SORL1: variants seen among roughly 807,000 people sequenced by gnomAD.
SORL1 encodes the protein sortilin related receptor 1.
SORL1 carries 127 observed loss-of-function variants against 273.7 expected under a neutral mutation model. The observed-to-expected ratio is 0.46, with a 90% CI of 0.40 to 0.54. SORL1 has a LOEUF of 0.54. Ranked by LOEUF, SORL1 falls within the 20% of genes least tolerant of loss-of-function variation. SORL1 has a pLI of 0.00. For synonymous variants in SORL1, 1,031 were observed against 1,067.4 expected (o/e 0.97, Z 0.66); for missense variants, 2,494 against 2,846.1 (o/e 0.88, Z 2.81).
chr11:121,613,468 C>T (rs2134936293), intron 40 of SORL1, among the ~76,000 whole-genome samples: 1 of 152,286 alleles, frequency 6.6e-6, no homozygotes, highest in Middle Eastern at 3.4e-3. Flanking sequence ...GGCTGTGAAG[C>T]ACTTTCAGTC....
chr11:121,587,051 T>C (rs1203065140), intron 27 of SORL1, among the ~76,000 whole-genome samples: 1 of 152,188 alleles, frequency 6.6e-6, no homozygotes, highest in African/African-American at 2.4e-5. Context: ...CAGTAACTAC[T>C]ATTTGTTTAC....
In SORL1 at chr11:121,629,816, G is replaced by C. The variant is rs1342044906; in HGVS notation, c.*253G>C. ...GACATTAATGTAGTCTTACAGGGCT[G>C]TGCTTGCTGGGCATGCTTTTACGTC... is the stretch of plus-strand genomic sequence containing the variant. On this transcript the variant is annotated 3_prime_UTR_variant, in exon 48 of 48. Transcript: ENST00000260197. The C allele has an allele frequency of 1.3e-5, 6 of 447,644 alleles. No homozygotes were observed. The East Asian group carries it at 1.5e-4, about 11-fold the overall frequency. 27.7% of individuals were successfully genotyped at this position (447,644 alleles called of 1,614,324 possible).
chr11:121,564,178 G>A (rs1183579502), intron 21 of SORL1, among the ~76,000 whole-genome samples: 1 of 152,238 alleles, frequency 6.6e-6, no homozygotes, highest in Admixed American at 6.5e-5. Flanking sequence ...TAAAGGGTCT[G>A]TGGCTGTGGT....
intron 38 of SORL1, chr11:121,610,855 G>A (rs562644523): frequency 5.2e-5 from 23 of 444,364 alleles, no homozygotes; most frequent in South Asian, 4.3e-4. Flanking sequence ...CAGGATAGCC[G>A]ACTGAGCCAA....
At chr11:121,485,503 A>G (rs1322449014) in intron 3 of SORL1, among the ~76,000 whole-genome samples, 1 of 152,228 alleles carries the variant, frequency 6.6e-6, no homozygotes, top group African/African-American at 2.4e-5. Context: ...TGAACCCTGA[A>G]TGAGATAGGG....
intron 45 of SORL1, among the ~76,000 whole-genome samples, chr11:121,622,537 C>T (rs188484867): frequency 6.6e-6 from 1 of 152,320 alleles, no homozygotes; most frequent in African/African-American, 2.4e-5. Context: ...GACAAATGGG[C>T]TGGAGGCCAT....
chr11:121,498,434 T>C (rs1861662042), intron 6 of SORL1, among the ~76,000 whole-genome samples: 1 of 152,212 alleles, frequency 6.6e-6, no homozygotes, highest in South Asian at 2.1e-4. Context: ...CCTGGAGTTA[T>C]TGTGTGATTT....
intron 1 of SORL1, among the ~76,000 whole-genome samples, chr11:121,468,151 G>A (rs137975458): frequency 3.5e-4 from 54 of 152,272 alleles, no homozygotes; most frequent in African/African-American, 1.2e-3. Context: ...GAAAGGAGCT[G>A]TGGGTTTTCT....
In SORL1 at chr11:121,555,297, T is replaced by A. The variant is rs754719820; in HGVS notation, c.2550T>A (p.Asp850Glu). The change falls in exon 18 of 48, where the codon GAT (aspartate) becomes GAA (glutamate). Residue 850 changes from aspartate (D) to glutamate (E), a missense_variant. By Grantham distance (45) the Asp-to-Glu change is conservative (BLOSUM62 2). Coordinates refer to ENST00000260197, the MANE Select transcript of SORL1 (RefSeq NM_003105.6). ...TCAGCCAGCTGCTTTACTGGGTAGA[T>A]GCAGGCTTCAAAAAGATTGAGGTAT... is the stretch of plus-strand genomic sequence containing the variant. ...EPLSQLLYWVDAGFKKIEVAN... is the reference protein window; with the variant it reads ...EPLSQLLYWVEAGFKKIEVAN... 3 of 1,613,994 alleles carry A rather than the reference T, an allele frequency of 1.9e-6. No homozygotes were observed. Among genetic ancestry groups the A allele is most frequent in the Admixed American group, 3.3e-5 (2 of 60,016 alleles).
chr11:121,627,250 A>G lies in SORL1; in HGVS notation c.6365-305A>G. ...CTTAAGTAATAATGCTAATGAAATC[A>G]ATGTTGATACCCCAACAAAGGTCTC... On this transcript the variant is annotated intron_variant, in intron 46 of 47. Coordinates refer to ENST00000260197, the MANE Select transcript of SORL1 (RefSeq NM_003105.6). The surrounding 1 kb of genome is among the most constrained non-coding windows in gnomAD (Gnocchi z 4.9). 1 of 357,402 alleles carries G rather than the reference A, an allele frequency of 2.8e-6. No homozygotes were observed. Among genetic ancestry groups the G allele is most frequent in the Admixed American group, 4.4e-5 (1 of 22,594 alleles). 22.1% of individuals were successfully genotyped at this position (357,402 alleles called of 1,614,324 possible).
chr11:121,532,687 C>T, intron 12 of SORL1, 135 bp downstream of exon 12: 24 of 521,896 alleles, frequency 4.6e-5, no homozygotes, highest in South Asian at 7.2e-5. Flanking sequence ...ATGAGTTAAA[C>T]TTTTTTTTTT....
At chr11:121,560,696 T>C (rs1014668681) in intron 21 of SORL1, among the ~76,000 whole-genome samples, 1 of 152,210 alleles carries the variant, frequency 6.6e-6, no homozygotes, top group African/African-American at 2.4e-5. Context: ...GTTATCCTCT[T>C]GGGATTGTGA....
chr11:121,487,723 A>C (rs1861495532), intron 3 of SORL1, among the ~76,000 whole-genome samples: 1 of 152,150 alleles, frequency 6.6e-6, no homozygotes, highest in Non-Finnish European at 1.5e-5. Context: ...GGGAATTGCT[A>C]ATTTCATTGA....
At position 121,550,062 on chromosome 11, in the gene SORL1, G is replaced by T. The variant is rs781737571; in HGVS notation, c.2154G>T (p.Val718=). The change falls in exon 15 of 48, where the codon GTG becomes GTT. Residue 718 remains valine (V), a synonymous_variant. Transcript: ENST00000260197. This position sits in a 1 kb window ranked among gnomAD's most constrained non-coding sequence, Gnocchi z 5.3. ...ACTCCCCTCCTGTGCCTTGCCCTGT[G>T]GGTTCTACTTACAGGAGAACGAGAG... ...KSYSPPVPCP[V]GSTYRRTRGY... 1.9e-6 allele frequency: 3 copies of T among 1,613,568 alleles called. No homozygotes were observed. In the East Asian group the frequency reaches 6.7e-5, roughly 36 times the overall value.
At chr11:121,553,110 G>T (rs1862528250) in intron 16 of SORL1, among the ~76,000 whole-genome samples, 1 of 152,178 alleles carries the variant, frequency 6.6e-6, no homozygotes, top group Admixed American at 6.5e-5. Flanking sequence ...CAGTGTAGTG[G>T]TTAAAGCATA....
At chr11:121,464,979 T>A (rs142843190) in intron 1 of SORL1, among the ~76,000 whole-genome samples, 3 of 152,222 alleles carry the variant, frequency 2.0e-5, no homozygotes, top group Non-Finnish European at 4.4e-5. Flanking sequence ...TTGAGAAATA[T>A]AATGTTCTCT....
At chr11:121,558,470 A>G in intron 19 of SORL1, 121 bp from the exon 20 acceptor site, 1 of 1,007,468 alleles carries the variant, frequency 9.9e-7, no homozygotes, top group Admixed American at 2.1e-5. Flanking sequence ...TATTGTTATA[A>G]TAATGCTGAA....
intron 35 of SORL1, among the ~76,000 whole-genome samples, chr11:121,605,984 G>T (rs1452022001): frequency 6.6e-6 from 1 of 152,122 alleles, no homozygotes; most frequent in African/African-American, 2.4e-5. Context: ...TGCAGTGGAG[G>T]CGCAATCACT....
At chr11:121,532,644 T>C in intron 12 of SORL1, 92 bp downstream of exon 12, 2 of 1,054,366 alleles carry the variant, frequency 1.9e-6, no homozygotes, top group South Asian at 2.8e-5. Context: ...TATAGCACTA[T>C]GTTGTTGACA....
Sources: gnomAD v4.1 joint callset for allele counts (sites outside exome capture counted in the v4.1 genomes callset) on GRCh38, gnomAD v4.1.1 for gene constraint, Gnocchi (gnomAD v3.1) non-coding constraint, MANE v1.5 for transcripts, NCBI Gene and HGNC (gene_info 2026-07-23, HGNC 2026-07-21) for gene names.